GFRA3: variants seen among roughly 807,000 people sequenced by gnomAD.
GFRA3 encodes the protein GDNF family receptor alpha 3, also known as GDNF family receptor alpha-3.
A neutral mutation model predicts 40.0 loss-of-function variants in GFRA3; 24 were observed. The ratio of observed to expected loss-of-function variants is 0.60; its 90% CI spans 0.43 to 0.84. The LOEUF is 0.84. Among genes scored for constraint, GFRA3 ranks in the 40% least tolerant of loss-of-function variants. The probability of loss-of-function intolerance (pLI) is 0.00; values close to 1 mark genes in which losing one functional copy is unlikely to be tolerated. For synonymous variants in GFRA3, 203 were observed against 213.5 expected, an observed-to-expected ratio of 0.95 and a Z score of 0.43; for missense variants, 405 against 530.6, an observed-to-expected ratio of 0.76 and a Z score of 2.33.
chr5:138,268,788 G>A (rs1755824040), intron 1 of GFRA3, among the ~76,000 whole-genome samples: 1 of 151,948 alleles, frequency 6.6e-6, no homozygotes, highest in Non-Finnish European at 1.5e-5. Context: ...TACTCAGGAT[G>A]GTGGTGAGCT....
intron 6 of GFRA3, 122 bp downstream of exon 6, chr5:138,253,644 A>G: frequency 1.1e-6 from 1 of 899,428 alleles, no homozygotes. Context: ...AGCCTATGCT[A>G]GGAACTGCTC....
At chr5:138,272,297 C>G (rs1197389302) in intron 1 of GFRA3, among the ~76,000 whole-genome samples, 1 of 151,360 alleles carries the variant, frequency 6.6e-6, no homozygotes, top group Non-Finnish European at 1.5e-5. Context: ...TGAGCCACTG[C>G]ACCCAGCCAG....
intron 2 of GFRA3, among the ~76,000 whole-genome samples, chr5:138,261,446 G>A (rs929550992): frequency 2.2e-4 from 34 of 152,032 alleles, no homozygotes; most frequent in Middle Eastern, 3.4e-3. Context: ...CTGTAATCCC[G>A]GCATTTTGGG....
chr5:138,254,488 GA>G (rs1367715873), intron 4 of GFRA3, among the ~76,000 whole-genome samples: 1 of 152,022 alleles, frequency 6.6e-6, no homozygotes, highest in Non-Finnish European at 1.5e-5. Context: ...CACTCGGCCA[GA>G]AAAATTTCAA....
rs543966682 is a variant in GFRA3, at chr5:138,264,255, C to A, written c.379+6G>T. ...AGCTTAGTCCACTCTATAATGGGAG[C>A]CTCACCAAGGCTGCGGGCACGGTGA... On this transcript the variant is annotated splice_donor_region_variant and intron_variant, in intron 2 of 7. Coordinates refer to ENST00000274721, the MANE Select transcript of GFRA3 (RefSeq NM_001496.4). The A allele has an allele frequency of 2.5e-6, 4 of 1,585,162 alleles. No homozygotes were observed. The highest frequency in any genetic ancestry group is 1.3e-5 in the African/African-American group (1 of 74,422).
intron 3 of GFRA3, among the ~76,000 whole-genome samples, chr5:138,258,801 T>C (rs1755672019): frequency 1.3e-5 from 2 of 152,236 alleles, no homozygotes; most frequent in Non-Finnish European, 2.9e-5. Context: ...GATTCATGTA[T>C]ACTCTGTTCC....
At chr5:138,255,913 A>AG (rs1421621402) in intron 4 of GFRA3, among the ~76,000 whole-genome samples, 11 of 143,920 alleles carry the variant, frequency 7.6e-5, no homozygotes, top group Middle Eastern at 3.5e-3. Context: ...AAAAAAAAAA[A>AG]AAGAAGAAGA....
At chr5:138,259,499 C>T (rs1755681442) in intron 3 of GFRA3, 58 bp downstream of exon 3, 2 of 816,060 alleles carry the variant, frequency 2.5e-6, no homozygotes, top group Admixed American at 3.4e-5. Context: ...TCCCCAGCCA[C>T]CCTTCCTCCA....
chr5:138,258,815 T>C (rs1383114763), intron 3 of GFRA3, among the ~76,000 whole-genome samples: 1 of 152,220 alleles, frequency 6.6e-6, no homozygotes, highest in Non-Finnish European at 1.5e-5. Flanking sequence ...CTGTTCCCCA[T>C]ACTCTGAATC....
intron 5 of GFRA3, 41 bp downstream of exon 5, chr5:138,254,016 C>A (rs374217131): frequency 9.6e-6 from 15 of 1,560,342 alleles, no homozygotes; most frequent in Non-Finnish European, 1.3e-5. Flanking sequence ...ACCCTCAGGC[C>A]TAGCCAACAT....
intron 2 of GFRA3, among the ~76,000 whole-genome samples, chr5:138,261,509 C>T (rs1055205216): frequency 6.6e-6 from 1 of 151,926 alleles, no homozygotes; most frequent in Non-Finnish European, 1.5e-5. Context: ...GCCTGACCAA[C>T]ATGGTGAAAC....
chr5:138,255,156 C>T lies in GFRA3; in HGVS notation c.786-996G>A, dbSNP rs145869416. ...AAGGAAGGAAAGAAGGATCGATTTA[C>T]CTTATTGGGGTTCTTGTGAGGTTTA... On this transcript the variant is annotated intron_variant, in intron 4 of 7. Coordinates refer to ENST00000274721, the MANE Select transcript of GFRA3 (RefSeq NM_001496.4). 1.1e-4 allele frequency among the ~76,000 whole-genome samples: 17 copies of T among 151,904 alleles called. 1 individual carries two copies. The East Asian group carries it at 2.7e-3, about 24-fold the overall frequency.
chr5:138,260,938 T>C (rs1464667125), intron 2 of GFRA3, among the ~76,000 whole-genome samples: 1 of 151,946 alleles, frequency 6.6e-6, no homozygotes, highest in East Asian at 1.9e-4. Context: ...GGAGGATCAC[T>C]TGAGCCCAGG....
chr5:138,273,479 C>T (rs1203720305), intron 1 of GFRA3, among the ~76,000 whole-genome samples: 3 of 152,168 alleles, frequency 2.0e-5, no homozygotes. Context: ...GTCTTGCTGC[C>T]CTGACTTACT....
At chr5:138,253,444 G>A (rs1755579436) in intron 6 of GFRA3, 69 bp from the exon 7 acceptor site, 1 of 1,005,556 alleles carries the variant, frequency 9.9e-7, no homozygotes, top group South Asian at 1.4e-5. Context: ...CCCAAGGAAG[G>A]AAAGGGAATG....
chr5:138,259,862 C>T (rs1035712270), intron 2 of GFRA3, among the ~76,000 whole-genome samples: 5 of 152,118 alleles, frequency 3.3e-5, no homozygotes, highest in Non-Finnish European at 2.9e-5. Context: ...ATAATAAGAG[C>T]TACCATTTGT....
At chr5:138,269,002 CAAAAG>C (rs1755828099) in intron 1 of GFRA3, among the ~76,000 whole-genome samples, 3 of 151,606 alleles carry the variant, frequency 2.0e-5, no homozygotes, top group Admixed American at 2.0e-4. Context: ...AGACAATTCT[CAAAAG>C]AAGATACACA....
intron 1 of GFRA3, among the ~76,000 whole-genome samples, chr5:138,268,024 C>T (rs1755811360): frequency 6.6e-6 from 1 of 152,128 alleles, no homozygotes; most frequent in Admixed American, 6.6e-5. Flanking sequence ...GGCCACCACG[C>T]CTGTAATCTC....
chr5:138,259,799 G>A, intron 2 of GFRA3, 150 bp from the exon 3 acceptor site: 1 of 657,636 alleles, frequency 1.5e-6, no homozygotes, highest in Admixed American at 2.4e-5. Flanking sequence ...GCAAAGATGA[G>A]AAAAATGCAG....
Sources: gnomAD v4.1 joint callset for allele counts (sites outside exome capture counted in the v4.1 genomes callset) on GRCh38, gnomAD v4.1.1 for gene constraint, MANE v1.5 for transcripts, NCBI Gene and HGNC (gene_info 2026-07-23, HGNC 2026-07-21) for gene names.